MTUS2: variants seen among roughly 807,000 people sequenced by gnomAD.
MTUS2 encodes the protein microtubule-associated tumor suppressor candidate 2.
In MTUS2, 40 loss-of-function variants were observed where a neutral mutation model predicts 114.1. The observed-to-expected ratio is 0.35, with a 90% CI of 0.27 to 0.46. The LOEUF (loss-of-function observed/expected upper bound fraction) is 0.46. Among genes scored for constraint, MTUS2 ranks in the 20% least tolerant of loss-of-function variants. The pLI is 1.00. For synonymous variants in MTUS2, 688 were observed against 672.0 expected (o/e 1.02, Z -0.37); for missense variants, 1,679 against 1,705.4 (o/e 0.98, Z 0.27).
intron 2 of MTUS2, among the ~76,000 whole-genome samples, chr13:28,878,332 T>C (rs1878083803): frequency 6.6e-6 from 1 of 152,108 alleles, no homozygotes. Flanking sequence ...TTTTTTGTTT[T>C]TTCTTCAACT....
intron 2 of MTUS2, among the ~76,000 whole-genome samples, chr13:28,848,666 C>T (rs1333144194): frequency 6.6e-6 from 1 of 151,976 alleles, no homozygotes; most frequent in Non-Finnish European, 1.5e-5. Context: ...TTCCCGTTAT[C>T]ACTTTATAAT....
At chr13:29,457,009 G>A (rs560980226) in intron 9 of MTUS2, among the ~76,000 whole-genome samples, 27 of 151,868 alleles carry the variant, frequency 1.8e-4, no homozygotes, top group African/African-American at 6.0e-4. Flanking sequence ...GCCAGGCATG[G>A]TGGCAGGCAC....
At chr13:28,872,158 G>T (rs1877655578) in intron 2 of MTUS2, among the ~76,000 whole-genome samples, 1 of 152,200 alleles carries the variant, frequency 6.6e-6, no homozygotes, top group South Asian at 2.1e-4. Flanking sequence ...TGGAGAAGGA[G>T]TCTGGGTAAG....
chr13:29,171,748 A>G (rs1489353706), intron 5 of MTUS2, among the ~76,000 whole-genome samples: 3 of 152,200 alleles, frequency 2.0e-5, no homozygotes, highest in African/African-American at 7.2e-5. Context: ...AGCTCCTTCT[A>G]TTATATTTCT....
At chr13:29,468,710 T>C (rs1417439900) in intron 9 of MTUS2, among the ~76,000 whole-genome samples, 1 of 152,132 alleles carries the variant, frequency 6.6e-6, no homozygotes, top group Non-Finnish European at 1.5e-5. Flanking sequence ...CTCTATTTCA[T>C]CTAGTAAATC....
intron 8 of MTUS2, among the ~76,000 whole-genome samples, chr13:29,389,440 T>TACAC (rs1491455444): frequency 3.3e-5 from 1 of 30,188 alleles, no homozygotes; most frequent in Admixed American, 4.7e-4. Flanking sequence ...CGTGTGTGTA[T>TACAC]GTGTATGTAT....
chr13:29,129,078 A>G (rs1891641925), intron 5 of MTUS2, among the ~76,000 whole-genome samples: 1 of 151,968 alleles, frequency 6.6e-6, no homozygotes, highest in South Asian at 2.1e-4. Context: ...TGGCAAGTGC[A>G]TTTCTGTGGA....
intron 2 of MTUS2, among the ~76,000 whole-genome samples, chr13:29,002,127 A>G (rs1464185452): frequency 1.3e-5 from 2 of 152,156 alleles, no homozygotes; most frequent in Admixed American, 1.3e-4. Flanking sequence ...AGTAAGTTGT[A>G]ATTTGTTACA....
At chr13:29,434,628 G>T (rs1223141441) in intron 8 of MTUS2, among the ~76,000 whole-genome samples, 1 of 152,176 alleles carries the variant, frequency 6.6e-6, no homozygotes, top group South Asian at 2.1e-4. Context: ...TTGAGGAGTG[G>T]CACAGGTGGC....
chr13:29,399,105 T>C (rs1874133385), intron 8 of MTUS2, among the ~76,000 whole-genome samples: 1 of 152,204 alleles, frequency 6.6e-6, no homozygotes, highest in African/African-American at 2.4e-5. Flanking sequence ...GGTTATTTCT[T>C]GATGATATGC....
At chr13:29,225,888 C>G (rs534918022) in intron 5 of MTUS2, among the ~76,000 whole-genome samples, 43 of 152,192 alleles carry the variant, frequency 2.8e-4, no homozygotes, top group African/African-American at 1.0e-3. Context: ...TGTCAACAGT[C>G]TAAGTAAATA....
chr13:29,493,258 G>A (rs1470879732), intron 12 of MTUS2, among the ~76,000 whole-genome samples: 1 of 152,176 alleles, frequency 6.6e-6, no homozygotes, highest in African/African-American at 2.4e-5. Context: ...GTGTCCTGCA[G>A]GCCTCTAAGG....
At position 29,304,673 on chromosome 13, in the gene MTUS2, C is replaced by T. The variant is rs544585062; in HGVS notation, c.2807-19940C>T. On this transcript the variant is annotated intron_variant, in intron 6 of 15. Coordinates refer to ENST00000612955, the MANE Select transcript of MTUS2 (RefSeq NM_001033602.4). ...GAGACCTGCTAAGGGACTTAAACTC[C>T]CACAGAATAATAGTGGTAGACTTTA... Among the ~76,000 whole-genome samples, 10 of 152,194 alleles carry T rather than the reference C, an allele frequency of 6.6e-5. No homozygotes were observed. The South Asian group carries it at 2.1e-3, about 32-fold the overall frequency.
chr13:28,838,174 C>T (rs1875223325), intron 1 of MTUS2, among the ~76,000 whole-genome samples: 1 of 152,150 alleles, frequency 6.6e-6, no homozygotes, highest in Admixed American at 6.5e-5. Context: ...AAAAACAAAA[C>T]AATTTATAGT....
chr13:29,161,563 T>A (rs1465493297), intron 5 of MTUS2, among the ~76,000 whole-genome samples: 1 of 152,200 alleles, frequency 6.6e-6, no homozygotes, highest in Non-Finnish European at 1.5e-5. Flanking sequence ...ATTAATAACT[T>A]GCTCCCCGCA....
At chr13:28,881,706 A>T (rs889409027) in intron 2 of MTUS2, among the ~76,000 whole-genome samples, 5 of 152,020 alleles carry the variant, frequency 3.3e-5, no homozygotes, top group African/African-American at 4.8e-5. Context: ...TGTGGTTTTA[A>T]TTTGCATTTC....
rs1868945544 is a variant in MTUS2, at chr13:29,348,594, A to G, written c.2906-10668A>G. Among the ~76,000 whole-genome samples the G allele has an allele frequency of 2.6e-5, 4 of 152,244 alleles. No homozygotes were observed. The South Asian group carries it at 8.3e-4, about 31-fold the overall frequency. On this transcript the variant is annotated intron_variant, in intron 7 of 15. Transcript: ENST00000612955. ...GGTCAAGTTGGTTGAAGCATTGTCA[A>G]GTATTCTATACCCTTACTGATTTTC...
intron 2 of MTUS2, among the ~76,000 whole-genome samples, chr13:28,941,069 C>CCA (rs1555276016): frequency 2.7e-5 from 4 of 149,044 alleles, no homozygotes; most frequent in Non-Finnish European, 5.9e-5. Context: ...TACTACAAAG[C>CCA]AAAAAAAAAA....
chr13:28,895,356 A>G (rs1017730081), intron 2 of MTUS2, among the ~76,000 whole-genome samples: 1 of 152,190 alleles, frequency 6.6e-6, no homozygotes, highest in Non-Finnish European at 1.5e-5. Context: ...AATTTGTGTA[A>G]TAATGAACTG....
Sources: gnomAD v4.1 joint callset for allele counts (sites outside exome capture counted in the v4.1 genomes callset) on GRCh38, gnomAD v4.1.1 for gene constraint, MANE v1.5 for transcripts, NCBI Gene and HGNC (gene_info 2026-07-23, HGNC 2026-07-21) for gene names.